UBE2F: variants seen among roughly 807,000 people sequenced by gnomAD.
The protein encoded by UBE2F is ubiquitin conjugating enzyme E2 F (putative), also known as NEDD8-conjugating enzyme UBE2F.
Under a neutral mutation model 29.6 loss-of-function variants are expected in UBE2F, and 5 were observed. The observed-to-expected ratio is 0.17, with a 90% CI of 0.09 to 0.36. The LOEUF is 0.36. Ranked by LOEUF, UBE2F falls within the 10% of genes least tolerant of loss-of-function variation. UBE2F has a pLI of 1.00. For synonymous variants in UBE2F, 66 were observed against 81.8 expected, an observed-to-expected ratio of 0.81 and a Z score of 1.04; for missense variants, 141 against 228.5, an observed-to-expected ratio of 0.62 and a Z score of 2.47.
intron 4 of UBE2F, among the ~76,000 whole-genome samples, chr2:238,002,349 A>G (rs965941137): frequency 1.1e-4 from 16 of 152,234 alleles, no homozygotes; most frequent in African/African-American, 1.9e-4. Context: ...TACATGTGCC[A>G]TGCTGGTGCG....
At chr2:238,039,418 G>A (rs577052141) in intron 9 of UBE2F, among the ~76,000 whole-genome samples, 1 of 152,300 alleles carries the variant, frequency 6.6e-6, no homozygotes, top group East Asian at 1.9e-4. Context: ...GAGAAAAGAG[G>A]CCATTATGAC....
At chr2:237,990,338 C>T (rs566204049) in intron 3 of UBE2F, 5 of 438,310 alleles carry the variant, frequency 1.1e-5, no homozygotes, top group East Asian at 7.5e-5. Context: ...AATAATCCCT[C>T]TGCTTTCCAG....
intron 4 of UBE2F, among the ~76,000 whole-genome samples, chr2:237,997,543 G>T (rs2063715494): frequency 6.6e-6 from 1 of 152,186 alleles, no homozygotes; most frequent in South Asian, 2.1e-4. Flanking sequence ...ACAGTGATAT[G>T]TCTAAGTTGT....
intron 6 of UBE2F, among the ~76,000 whole-genome samples, chr2:238,026,928 T>C (rs2064446123): frequency 6.6e-6 from 1 of 152,224 alleles, no homozygotes; most frequent in African/African-American, 2.4e-5. Flanking sequence ...AATTCCACTA[T>C]CTTTGGTTGC....
chr2:238,010,458 A>G (rs968631774), intron 4 of UBE2F, among the ~76,000 whole-genome samples: 6 of 152,240 alleles, frequency 3.9e-5, no homozygotes, highest in African/African-American at 1.4e-4. Flanking sequence ...GGCGTGAGCC[A>G]CCGTGCCCGG....
intron 2 of UBE2F, chr2:237,986,017 C>T: frequency 4.8e-6 from 1 of 210,058 alleles, no homozygotes. Context: ...ATGTTTTTTG[C>T]CCATTTTTAA....
intron 4 of UBE2F, among the ~76,000 whole-genome samples, chr2:237,996,512 C>T (rs1212554236): frequency 6.6e-6 from 1 of 150,986 alleles, no homozygotes; most frequent in Non-Finnish European, 1.5e-5. Context: ...TCTCACTCTG[C>T]CACCCAGGCT....
intron 5 of UBE2F, among the ~76,000 whole-genome samples, chr2:238,020,794 T>A (rs1161548242): frequency 6.6e-6 from 1 of 152,104 alleles, no homozygotes; most frequent in Admixed American, 6.5e-5. Context: ...TGTAGTGACA[T>A]TTAGTGGGCT....
chr2:238,009,398 C>T (rs1048494519), intron 4 of UBE2F, among the ~76,000 whole-genome samples: 1 of 152,076 alleles, frequency 6.6e-6, no homozygotes. Flanking sequence ...TAAATTATAC[C>T]TCCATTGGGT....
intron 4 of UBE2F, among the ~76,000 whole-genome samples, chr2:238,009,460 T>C (rs186195695): frequency 1.3e-5 from 2 of 152,250 alleles, no homozygotes; most frequent in African/African-American, 4.8e-5. Flanking sequence ...ACAGTTTGTT[T>C]TTCTGCAATG....
intron 9 of UBE2F, among the ~76,000 whole-genome samples, chr2:238,036,716 C>T (rs2064718437): frequency 6.6e-6 from 1 of 152,192 alleles, no homozygotes; most frequent in East Asian, 1.9e-4. Flanking sequence ...GTCCCAGCTA[C>T]TCAGGAGGCT....
chr2:237,968,709 T>TCC, intron 1 of UBE2F: 1 of 246,064 alleles, frequency 4.1e-6, no homozygotes, highest in Non-Finnish European at 6.5e-6. Context: ...TGAAAGCAGG[T>TCC]CCCACCCAGA....
chr2:237,993,972 GA>G (rs1407687553), intron 3 of UBE2F, among the ~76,000 whole-genome samples: 2 of 152,144 alleles, frequency 1.3e-5, no homozygotes, highest in African/African-American at 4.8e-5. Context: ...TGGGTCAGTA[GA>G]GCATTATTTT....
intron 5 of UBE2F, among the ~76,000 whole-genome samples, chr2:238,023,567 G>C (rs1559223665): frequency 6.6e-6 from 1 of 152,180 alleles, no homozygotes; most frequent in Admixed American, 6.5e-5. Context: ...TATTTTCTAA[G>C]TATGGCATCA....
intron 4 of UBE2F, among the ~76,000 whole-genome samples, chr2:237,998,854 G>C (rs1310711485): frequency 6.6e-6 from 1 of 152,076 alleles, no homozygotes; most frequent in African/African-American, 2.4e-5. Flanking sequence ...ATTTCCCAGT[G>C]ACAGATGATG....
chr2:237,993,355 A>G (rs987485131), intron 3 of UBE2F, among the ~76,000 whole-genome samples: 4 of 152,176 alleles, frequency 2.6e-5, no homozygotes. Flanking sequence ...AGAACAGAGT[A>G]GAAATTTGAC....
At chr2:237,999,092 T>G (rs10186812) in intron 4 of UBE2F, among the ~76,000 whole-genome samples, 5 of 151,082 alleles carry the variant, frequency 3.3e-5, no homozygotes, top group African/African-American at 1.2e-4. Flanking sequence ...TTATTTATTT[T>G]TTTTTTTTGA....
At chr2:238,002,231 AT>A (rs11437787) in intron 4 of UBE2F, among the ~76,000 whole-genome samples, 91 of 42,632 alleles carry the variant, frequency 2.1e-3, no homozygotes, top group Middle Eastern at 9.8e-3. Context: ...CACCCAGATA[AT>A]TTTTTTTTTT....
At position 238,040,110 on chromosome 2, in the gene UBE2F, C is replaced by G. The variant is rs2106420222; in HGVS notation, c.508-1178C>G. Among the ~76,000 whole-genome samples, 1 of 152,286 alleles carries G rather than the reference C, an allele frequency of 6.6e-6. No homozygotes were observed. Among genetic ancestry groups the G allele is most frequent in the South Asian group, 2.1e-4 (1 of 4,824 alleles). On this transcript the variant is annotated intron_variant, in intron 9 of 9. Coordinates refer to ENST00000272930, the MANE Select transcript of UBE2F (RefSeq NM_080678.3). This position sits in a 1 kb window ranked among gnomAD's most constrained non-coding sequence, Gnocchi z 4.4. The stretch of plus-strand genomic sequence containing the variant: ...AGACTCAGAGCACTCCACTTTCTCA[C>G]CCTGAGACCAGAGCAAGTCATGGGA...
Sources: gnomAD v4.1 joint callset for allele counts (sites outside exome capture counted in the v4.1 genomes callset) on GRCh38, gnomAD v4.1.1 for gene constraint, Gnocchi (gnomAD v3.1) non-coding constraint, MANE v1.5 for transcripts, NCBI Gene and HGNC (gene_info 2026-07-23, HGNC 2026-07-21) for gene names.